FHIT: variants seen among roughly 807,000 people sequenced by gnomAD.
FHIT encodes fragile histidine triad diadenosine triphosphatase.
A neutral mutation model predicts 17.9 loss-of-function variants in FHIT; 19 were observed. The ratio of observed to expected loss-of-function variants is 1.06; its 90% CI spans 0.74 to 1.56. The LOEUF is 1.56. Ranked by LOEUF, FHIT falls within the 40% of genes most tolerant of loss-of-function variation. The pLI is 0.00. For missense variants in FHIT, 248 were observed against 189.2 expected (o/e 1.31, Z -1.82); for synonymous variants, 81 against 69.7 (o/e 1.16, Z -0.81).
intron 7 of FHIT, among the ~76,000 whole-genome samples, chr3:59,972,433 G>A (rs1394796222): frequency 6.6e-6 from 1 of 152,050 alleles, no homozygotes; most frequent in Admixed American, 6.6e-5. Context: ...AGGTATCCTT[G>A]GCGCTCACTG....
At chr3:61,214,467 G>A (rs554947158) in intron 1 of FHIT, among the ~76,000 whole-genome samples, 4 of 152,034 alleles carry the variant, frequency 2.6e-5, no homozygotes, top group Admixed American at 6.6e-5. Flanking sequence ...GAAGAAGTTG[G>A]ATCTCTGAAT....
At chr3:59,761,614 T>TA (rs202104814) in intron 8 of FHIT, among the ~76,000 whole-genome samples, 3,828 of 152,186 alleles carry the variant, frequency 0.025, 67 homozygotes, top group Non-Finnish European at 0.04. Context: ...TTATTTTATT[T>TA]TTTTTTTTTC....
intron 5 of FHIT, among the ~76,000 whole-genome samples, chr3:60,029,660 A>T (rs892282252): frequency 1.3e-5 from 2 of 152,156 alleles, no homozygotes; most frequent in Non-Finnish European, 2.9e-5. Flanking sequence ...AAAGAAAATG[A>T]TATTTATTGA....
chr3:61,100,219 C>A lies in FHIT; in HGVS notation c.-163-58120G>T, dbSNP rs373344165. On this transcript the variant is annotated intron_variant, in intron 2 of 9. Transcript: ENST00000492590. ...ATGCTATCCCTCTCCCAGCCCCACA[C>A]CCCCCGACAGGACCCAGTGTGTGAT... Among the ~76,000 whole-genome samples, 167 of 152,190 alleles carry A rather than the reference C, an allele frequency of 1.1e-3. 4 individuals carry two copies. The South Asian group carries it at 0.033, about 30-fold the overall frequency.
At chr3:59,961,512 T>C (rs983865707) in intron 7 of FHIT, among the ~76,000 whole-genome samples, 6 of 152,096 alleles carry the variant, frequency 3.9e-5, no homozygotes, top group African/African-American at 1.4e-4. Context: ...CCACCCAGTT[T>C]TGTGCTTGAA....
At chr3:60,239,013 T>A (rs987704669) in intron 5 of FHIT, among the ~76,000 whole-genome samples, 1 of 152,126 alleles carries the variant, frequency 6.6e-6, no homozygotes, top group Non-Finnish European at 1.5e-5. Flanking sequence ...ATCCCTGGCA[T>A]TTTTCTAAGA....
chr3:61,216,439 A>G (rs573656732), intron 1 of FHIT, among the ~76,000 whole-genome samples: 3 of 152,382 alleles, frequency 2.0e-5, no homozygotes, highest in African/African-American at 7.2e-5. Flanking sequence ...CAAAACCACA[A>G]TGAGATACCA....
chr3:61,241,109 C>A (rs1365690946), intron 1 of FHIT, among the ~76,000 whole-genome samples: 2 of 152,134 alleles, frequency 1.3e-5, no homozygotes, highest in Non-Finnish European at 2.9e-5. Context: ...CTCTCTCCAC[C>A]CCACCATTTT....
At chr3:60,847,734 C>T (rs981229547) in intron 3 of FHIT, among the ~76,000 whole-genome samples, 1 of 151,992 alleles carries the variant, frequency 6.6e-6, no homozygotes, top group Non-Finnish European at 1.5e-5. Flanking sequence ...TTCTTCCTTA[C>T]CTTGAAATTT....
intron 5 of FHIT, among the ~76,000 whole-genome samples, chr3:60,504,181 A>G (rs2034632494): frequency 6.6e-6 from 1 of 152,202 alleles, no homozygotes; most frequent in Admixed American, 6.5e-5. Context: ...CACGCCTGTA[A>G]TCCCAGCACT....
intron 3 of FHIT, among the ~76,000 whole-genome samples, chr3:60,870,295 T>G (rs187968023): frequency 6.6e-6 from 1 of 152,206 alleles, no homozygotes; most frequent in East Asian, 1.9e-4. Flanking sequence ...GACTTGACTT[T>G]CAACTGATAG....
At chr3:60,643,699 G>T (rs78933915) in intron 4 of FHIT, among the ~76,000 whole-genome samples, 2,776 of 152,284 alleles carry the variant, frequency 0.018, 93 homozygotes, top group African/African-American at 0.062. Flanking sequence ...CCTTAGGGTT[G>T]CAGTATACTC....
chr3:60,222,214 GCATTCATT>G (rs138143844), intron 5 of FHIT, among the ~76,000 whole-genome samples: 4,754 of 151,792 alleles, frequency 0.031, 96 homozygotes, highest in Middle Eastern at 0.1. Flanking sequence ...ATTTATTCAT[GCATTCATT>G]CATTCATTCA....
At chr3:59,823,824 C>T (rs1700882361) in intron 8 of FHIT, among the ~76,000 whole-genome samples, 1 of 152,140 alleles carries the variant, frequency 6.6e-6, no homozygotes. Context: ...TTCTATTCAA[C>T]ACAGTACTGG....
intron 4 of FHIT, among the ~76,000 whole-genome samples, chr3:60,611,500 C>T (rs1200148384): frequency 3.3e-5 from 5 of 152,078 alleles, no homozygotes; most frequent in South Asian, 2.1e-4. Context: ...CTGGCATAAA[C>T]GGGTTAAGGA....
intron 5 of FHIT, among the ~76,000 whole-genome samples, chr3:60,507,260 A>G (rs749005325): frequency 6.6e-6 from 1 of 150,380 alleles, no homozygotes; most frequent in African/African-American, 2.5e-5. Context: ...TCAAGAGAGA[A>G]ACAACATGCA....
chr3:60,741,863 T>C (rs782661094), intron 4 of FHIT, among the ~76,000 whole-genome samples: 3 of 152,206 alleles, frequency 2.0e-5, no homozygotes, highest in Non-Finnish European at 2.9e-5. Context: ...TATGGTATAA[T>C]ATATGGCAAT....
chr3:60,405,823 T>C (rs1015061743), intron 5 of FHIT, among the ~76,000 whole-genome samples: 1 of 152,196 alleles, frequency 6.6e-6, no homozygotes, highest in Non-Finnish European at 1.5e-5. Context: ...CCCAACGACA[T>C]CAACTGTGCT....
intron 8 of FHIT, among the ~76,000 whole-genome samples, chr3:59,910,535 C>T (rs367706841): frequency 5.3e-5 from 8 of 152,122 alleles, no homozygotes; most frequent in African/African-American, 1.9e-4. Flanking sequence ...AGTCTCTGGT[C>T]TCAGGTTTTG....
Sources: allele counts gnomAD v4.1 joint callset (sites outside exome capture counted in the v4.1 genomes callset), GRCh38; gene constraint gnomAD v4.1.1; transcripts MANE v1.5; gene names NCBI Gene and HGNC (gene_info 2026-07-23, HGNC 2026-07-21).